ERLIN1: variants seen among roughly 807,000 people sequenced by gnomAD.
The protein encoded by ERLIN1 is erlin-1.
A neutral mutation model predicts 46.9 loss-of-function variants in ERLIN1; 24 were observed. The observed-to-expected ratio is 0.51, with a 90% CI of 0.37 to 0.72. The LOEUF is 0.72. ERLIN1 is among the 30% of genes least tolerant of loss of function. The probability of loss-of-function intolerance (pLI) is 0.00; values close to 1 mark genes in which losing one functional copy is unlikely to be tolerated. For missense variants in ERLIN1, 293 were observed against 417.9 expected, an observed-to-expected ratio of 0.70 and a Z score of 2.61; for synonymous variants, 158 against 143.2, an observed-to-expected ratio of 1.10 and a Z score of -0.74.
chr10:100,157,037 AAAAG>A (rs1417187092), intron 8 of ERLIN1, among the ~76,000 whole-genome samples: 3 of 152,182 alleles, frequency 2.0e-5, no homozygotes, highest in African/African-American at 4.8e-5. Context: ...AAAAACAAAA[AAAAG>A]AAAGACAAGA....
At chr10:100,155,955 ACAAACC>A (rs1242418837) in intron 9 of ERLIN1, among the ~76,000 whole-genome samples, 184 bp downstream of exon 9, 1 of 152,232 alleles carries the variant, frequency 6.6e-6, no homozygotes, top group Non-Finnish European at 1.5e-5. Flanking sequence ...ACAGTCACAA[ACAAACC>A]CAAAAGCTGG....
chr10:100,185,773 C>T lies in ERLIN1; in HGVS notation c.-147G>A. 2 of 649,706 alleles carry T rather than the reference C, an allele frequency of 3.1e-6. No individual in the cohort carries two copies. Among genetic ancestry groups the T allele is most frequent in the Non-Finnish European group, 5.5e-6 (2 of 363,080 alleles). The allele number at this position is 649,706 out of a possible 1,614,324, so 40.2% of individuals were successfully genotyped here. ...AGTCCAGTACCCCTGTCCCCTCATT[C>T]TTCCCTTCTGGCTGAGCCCGCTGAC... is the stretch of plus-strand genomic sequence containing the variant. On this transcript the variant is annotated 5_prime_UTR_variant, in exon 1 of 11. Transcript: ENST00000421367.
intron 8 of ERLIN1, among the ~76,000 whole-genome samples, chr10:100,158,415 T>G (rs188453461): frequency 6.6e-6 from 1 of 152,308 alleles, no homozygotes; most frequent in African/African-American, 2.4e-5. Flanking sequence ...TACTGCCATA[T>G]TGATAAGGAA....
intron 5 of ERLIN1, among the ~76,000 whole-genome samples, chr10:100,175,399 G>C (rs1290157529): frequency 6.6e-6 from 1 of 152,156 alleles, no homozygotes; most frequent in Non-Finnish European, 1.5e-5. Context: ...GAAAACCCTG[G>C]GCAATGAGTC....
chr10:100,185,826 G>A lies in ERLIN1; in HGVS notation c.-200C>T. 1 of 589,448 alleles carries A rather than the reference G, an allele frequency of 1.7e-6. No homozygotes were observed. The highest frequency in any genetic ancestry group is 3.0e-6 in the Non-Finnish European group (1 of 330,168). 36.5% of individuals were successfully genotyped at this position (589,448 alleles called of 1,614,324 possible). On this transcript the variant is annotated 5_prime_UTR_variant, in exon 1 of 11. Transcript: ENST00000421367. ...CTTGCCAACTCCTCCGCCCCCGGAG[G>A]CCAGTGGGCCGCCCCTGCTCGGTGA...
chr10:100,176,188 T>C lies in ERLIN1; in HGVS notation c.305-118A>G, dbSNP rs574687815. 1.5e-5 allele frequency: 12 copies of C among 812,066 alleles called. No individual in the cohort carries two copies. In the African/African-American group the frequency reaches 1.7e-4, roughly 12 times the overall value. 50.3% of individuals were successfully genotyped at this position (812,066 alleles called of 1,614,324 possible). On this transcript the variant is annotated intron_variant, in intron 4 of 10. Transcript: ENST00000421367. ...CACATGAGGAAAAGTGCCAACAAAA[T>C]AGTGAAACCAAAAACCACAACTAAC... is the stretch of plus-strand genomic sequence containing the variant.
In ERLIN1 at chr10:100,150,927, C is replaced by T. The variant is rs1293736656; in HGVS notation, c.*1204G>A. 6.6e-6 allele frequency: 1 copy of T among 152,236 alleles called. No homozygotes were observed. Among genetic ancestry groups the T allele is most frequent in the Admixed American group, 6.5e-5 (1 of 15,280 alleles). The allele number at this position is 152,236 out of a possible 1,614,324, so 9.4% of individuals were successfully genotyped here. A position where few individuals can be genotyped will look rare whatever the true frequency, so the allele number is the denominator to read the frequency against. On this transcript the variant is annotated 3_prime_UTR_variant, in exon 11 of 11. Transcript: ENST00000421367. ...TGGCTGCCCAGGACGTCAGTGGAAT[C>T]CTGATCTCCTGGGGGAGGTGACAGC...
chr10:100,177,183 T>C (rs1844360652), intron 4 of ERLIN1, among the ~76,000 whole-genome samples: 1 of 152,198 alleles, frequency 6.6e-6, no homozygotes, highest in African/African-American at 2.4e-5. Context: ...AATCATTTGC[T>C]TGATCATTTC....
rs1480897500 is a variant in ERLIN1, at chr10:100,152,274, T to C, written c.904A>G (p.Asn302Asp). 6.2e-7 allele frequency: 1 copy of C among 1,613,134 alleles called. No homozygotes were observed. Among genetic ancestry groups the C allele is most frequent in the African/African-American group, 1.3e-5 (1 of 74,918 alleles). ...GAGTCCACGAACATGTTAGGGATGT[T>C]GCTGCCAAAATAGATCTTACTGTTA... ...ASNSKIYFGS[N>D]IPNMFVDSSC... is the part of the protein sequence containing the mutation. Residue 302 changes from asparagine (N) to aspartate (D), a missense_variant, in exon 11 of 11, where the codon AAC becomes GAC. Asn to Asp is a conservative substitution (Grantham distance 23, BLOSUM62 1). Coordinates refer to ENST00000421367, the MANE Select transcript of ERLIN1 (RefSeq NM_006459.4).
chr10:100,160,418 T>C (rs955295222), intron 8 of ERLIN1, among the ~76,000 whole-genome samples: 2 of 152,056 alleles, frequency 1.3e-5, no homozygotes, highest in African/African-American at 4.8e-5. Context: ...ATCTTGGGGA[T>C]AGTATAACCA....
chr10:100,185,757 C>A lies in ERLIN1; in HGVS notation c.-131G>T, dbSNP rs1844935270. 7.3e-6 allele frequency: 5 copies of A among 683,218 alleles called. No individual in the cohort carries two copies. The highest frequency in any genetic ancestry group is 2.5e-5 in the Admixed American group (1 of 40,032). The allele number at this position is 683,218 out of a possible 1,614,324, so 42.3% of individuals were successfully genotyped here. On this transcript the variant is annotated 5_prime_UTR_variant, in exon 1 of 11. Coordinates refer to ENST00000421367, the MANE Select transcript of ERLIN1 (RefSeq NM_006459.4). ...GCAGGCTGAGCCGGGGAGTCCAGTA[C>A]CCCTGTCCCCTCATTCTTCCCTTCT...
chr10:100,164,258 A>C (rs967494881), intron 7 of ERLIN1, among the ~76,000 whole-genome samples, 163 bp from the exon 8 acceptor site: 49 of 152,310 alleles, frequency 3.2e-4, no homozygotes, highest in African/African-American at 1.1e-3. Context: ...ACTTATAATA[A>C]ATCTGAGGTT....
At chr10:100,157,097 C>T (rs889170432) in intron 8 of ERLIN1, among the ~76,000 whole-genome samples, 6 of 152,052 alleles carry the variant, frequency 3.9e-5, no homozygotes, top group Non-Finnish European at 8.8e-5. Context: ...ATGGAACCAG[C>T]CAACAAGCGA....
chr10:100,175,030 A>C (rs1292030386), intron 5 of ERLIN1, among the ~76,000 whole-genome samples: 4 of 152,246 alleles, frequency 2.6e-5, no homozygotes, highest in Non-Finnish European at 5.9e-5. Flanking sequence ...ACTCTTGCTT[A>C]TTCCTTCATC....
intron 2 of ERLIN1, among the ~76,000 whole-genome samples, chr10:100,183,271 A>C (rs1844766123): frequency 6.6e-6 from 1 of 152,244 alleles, no homozygotes; most frequent in African/African-American, 2.4e-5. Context: ...CCATCAAAAT[A>C]TAACATTCAC....
chr10:100,156,090 G>C (rs1034601788), intron 9 of ERLIN1, 55 bp downstream of exon 9: 14 of 1,104,206 alleles, frequency 1.3e-5, no homozygotes, highest in Admixed American at 1.9e-5. Context: ...GAACCCTGGA[G>C]CAGAGAGGAG....
intron 3 of ERLIN1, among the ~76,000 whole-genome samples, chr10:100,178,636 G>A (rs1350798203): frequency 1.3e-5 from 2 of 152,122 alleles, no homozygotes; most frequent in Non-Finnish European, 2.9e-5. Context: ...TAAATTAGAT[G>A]GCATTTAACA....
chr10:100,153,103 C>A (rs1842892833), intron 10 of ERLIN1, among the ~76,000 whole-genome samples: 2 of 152,230 alleles, frequency 1.3e-5, no homozygotes, highest in African/African-American at 4.8e-5. Flanking sequence ...TTATCATTAG[C>A]TGTGATTCTG....
rs764296818 is a variant in ERLIN1 at position 100,178,211 on chromosome 10, A to G, written c.243-17T>C. ...ACCCCACCACTAAAAACAAAGAAAAAAAGTGTGAACTACTAAAGGCAATCC... is the reference window on the plus strand; with the variant it reads ...ACCCCACCACTAAAAACAAAGAAAAGAAGTGTGAACTACTAAAGGCAATCC... On this transcript the variant is annotated splice_polypyrimidine_tract_variant and intron_variant, in intron 3 of 10. Coordinates refer to ENST00000421367, the MANE Select transcript of ERLIN1 (RefSeq NM_006459.4). The G allele has an allele frequency of 1.6e-5, 25 of 1,543,572 alleles. No individual in the cohort carries two copies. Among genetic ancestry groups the G allele is most frequent in the Non-Finnish European group, 4.4e-6 (5 of 1,136,934 alleles).
Sources: allele counts gnomAD v4.1 joint callset (sites outside exome capture counted in the v4.1 genomes callset), GRCh38; gene constraint gnomAD v4.1.1; transcripts MANE v1.5; gene names NCBI Gene and HGNC (gene_info 2026-07-23, HGNC 2026-07-21).